Variants in PKIB observed in about 807,000 individuals in gnomAD.
The protein encoded by PKIB is cAMP-dependent protein kinase inhibitor beta.
A neutral mutation model predicts 4.5 loss-of-function variants in PKIB; 2 were observed. The observed-to-expected ratio is 0.44, with a 90% CI of 0.18 to 1.39. The LOEUF (loss-of-function observed/expected upper bound fraction) is 1.39. Among genes scored for constraint, PKIB ranks in the 40% most tolerant of loss-of-function variants. The probability of loss-of-function intolerance (pLI) is 0.27; values close to 1 mark genes in which losing one functional copy is unlikely to be tolerated. For synonymous variants in PKIB, 38 were observed against 36.0 expected, an observed-to-expected ratio of 1.06 and a Z score of -0.20; for missense variants, 94 against 92.6, an observed-to-expected ratio of 1.02 and a Z score of -0.06.
At chr6:122,678,575 G>A (rs1777774614) in intron 3 of PKIB, among the ~76,000 whole-genome samples, 1 of 152,106 alleles carries the variant, frequency 6.6e-6, no homozygotes. Context: ...CAGCTCTGGA[G>A]TGCAATTAAG....
At chr6:122,665,579 C>T (rs1182480869) in intron 2 of PKIB, among the ~76,000 whole-genome samples, 1 of 151,834 alleles carries the variant, frequency 6.6e-6, no homozygotes, top group African/African-American at 2.4e-5. Flanking sequence ...GGGAGAGAGA[C>T]CTTCAGCTCA....
chr6:122,695,855 T>C (rs1309307189), intron 3 of PKIB, among the ~76,000 whole-genome samples: 2 of 152,114 alleles, frequency 1.3e-5, no homozygotes, highest in African/African-American at 4.8e-5. Flanking sequence ...CTATCTCTCC[T>C]CTCTCTTCTC....
At chr6:122,650,443 T>C (rs1776506044) in intron 2 of PKIB, among the ~76,000 whole-genome samples, 1 of 152,218 alleles carries the variant, frequency 6.6e-6, no homozygotes, top group African/African-American at 2.4e-5. Context: ...CTTGTTTATA[T>C]ACAGATTAAG....
chr6:122,546,090 T>A (rs1772485165), intron 2 of PKIB, among the ~76,000 whole-genome samples: 3 of 152,168 alleles, frequency 2.0e-5, no homozygotes, highest in South Asian at 4.1e-4. Flanking sequence ...GGTGTCTTAG[T>A]GCCAACTAGA....
At chr6:122,672,742 A>G (rs1263800814) in intron 2 of PKIB, among the ~76,000 whole-genome samples, 2 of 151,682 alleles carry the variant, frequency 1.3e-5, no homozygotes, top group African/African-American at 2.4e-5. Context: ...AATATAGCAA[A>G]TAAGTTATAT....
At chr6:122,671,534 A>G (rs1208517558) in intron 2 of PKIB, among the ~76,000 whole-genome samples, 1 of 152,026 alleles carries the variant, frequency 6.6e-6, no homozygotes, top group Admixed American at 6.5e-5. Flanking sequence ...TTCTCCTTCT[A>G]CAGTCCTTGG....
At chr6:122,688,118 G>A (rs1778164158) in intron 3 of PKIB, among the ~76,000 whole-genome samples, 1 of 152,048 alleles carries the variant, frequency 6.6e-6, no homozygotes, top group South Asian at 2.1e-4. Flanking sequence ...TTATGTTGAG[G>A]TATGTTTCTT....
At chr6:122,519,626 C>G (rs1776873221) in intron 2 of PKIB, among the ~76,000 whole-genome samples, 1 of 152,244 alleles carries the variant, frequency 6.6e-6, no homozygotes, top group Middle Eastern at 3.4e-3. Context: ...TAAAACATAG[C>G]CCTCACTAAC....
intron 2 of PKIB, among the ~76,000 whole-genome samples, chr6:122,640,749 C>G (rs1312894851): frequency 6.6e-6 from 1 of 152,156 alleles, no homozygotes; most frequent in South Asian, 2.1e-4. Flanking sequence ...CCGGTAAGAA[C>G]GTTAACTCAA....
At chr6:122,502,512 GAA>G (rs1491106858) in intron 2 of PKIB, among the ~76,000 whole-genome samples, 2 of 151,808 alleles carry the variant, frequency 1.3e-5, no homozygotes, top group South Asian at 2.1e-4. Context: ...TGGCAGAACA[GAA>G]GAGAGAGAGA....
chr6:122,564,300 A>G (rs1773117547), intron 2 of PKIB, among the ~76,000 whole-genome samples: 1 of 152,106 alleles, frequency 6.6e-6, no homozygotes, highest in South Asian at 2.1e-4. Flanking sequence ...TTCACAATGC[A>G]AGCTTCTGCA....
chr6:122,620,103 C>T (rs1308975034), intron 1 of PKIB, among the ~76,000 whole-genome samples: 1 of 152,100 alleles, frequency 6.6e-6, no homozygotes. Context: ...TTTTTCCACC[C>T]TCTTATACTC....
intron 2 of PKIB, among the ~76,000 whole-genome samples, chr6:122,507,713 T>C (rs1465395383): frequency 1.3e-5 from 2 of 151,934 alleles, no homozygotes; most frequent in East Asian, 3.9e-4. Flanking sequence ...GAGTTTAAGA[T>C]GTTTTGTAGG....
intron 1 of PKIB, among the ~76,000 whole-genome samples, chr6:122,625,933 G>A (rs1417477174): frequency 1.3e-5 from 2 of 152,264 alleles, no homozygotes; most frequent in East Asian, 3.9e-4. Flanking sequence ...GTCAGGTGTT[G>A]TGGCATGGGC....
chr6:122,543,018 A>T (rs1777656030), intron 2 of PKIB, among the ~76,000 whole-genome samples: 1 of 152,122 alleles, frequency 6.6e-6, no homozygotes, highest in Non-Finnish European at 1.5e-5. Flanking sequence ...CCTCTGAGCC[A>T]GGTGTGGGAT....
At chr6:122,709,583 A>C (rs901423072) in intron 3 of PKIB, among the ~76,000 whole-genome samples, 1 of 152,104 alleles carries the variant, frequency 6.6e-6, no homozygotes, top group Non-Finnish European at 1.5e-5. Context: ...AATGAGTTGC[A>C]ATGATGGAGT....
chr6:122,657,927 T>C (rs1488003465), intron 2 of PKIB, among the ~76,000 whole-genome samples: 1 of 152,202 alleles, frequency 6.6e-6, no homozygotes, highest in Non-Finnish European at 1.5e-5. Flanking sequence ...GTGTGGTGTG[T>C]ACGCTAGCCT....
intron 3 of PKIB, among the ~76,000 whole-genome samples, chr6:122,703,695 T>G (rs1276371807): frequency 6.6e-6 from 1 of 151,742 alleles, no homozygotes; most frequent in Non-Finnish European, 1.5e-5. Context: ...CTGAAGAATC[T>G]AATACACTTA....
intron 2 of PKIB, among the ~76,000 whole-genome samples, chr6:122,657,521 C>A (rs1776819859): frequency 6.6e-6 from 1 of 152,168 alleles, no homozygotes; most frequent in African/African-American, 2.4e-5. Context: ...ACTTGGCTTT[C>A]ATTTTTAGTG....
Sources: allele counts gnomAD v4.1 joint callset (sites outside exome capture counted in the v4.1 genomes callset), GRCh38; gene constraint gnomAD v4.1.1; transcripts MANE v1.5; gene names NCBI Gene and HGNC (gene_info 2026-07-23, HGNC 2026-07-21).